PSPH: variants seen among roughly 807,000 people sequenced by gnomAD.
The protein encoded by PSPH is phosphoserine phosphatase, also known as L-3-phosphoserine phosphatase.
In PSPH, 16 loss-of-function variants were observed where a neutral mutation model predicts 23.4. That is an observed-to-expected ratio of 0.68 (90% confidence interval 0.46 to 1.04). The LOEUF is 1.04. Among genes scored for constraint, PSPH ranks in the 50% least tolerant of loss-of-function variants. The pLI, the probability that PSPH is intolerant of heterozygous loss-of-function variation, is 0.00. For missense variants in PSPH, 223 were observed against 273.7 expected (o/e 0.81, Z 1.31); for synonymous variants, 68 against 99.7 (o/e 0.68, Z 1.89).
At chr7:56,016,456 G>A (rs1435882836) in intron 6 of PSPH, among the ~76,000 whole-genome samples, 1 of 150,782 alleles carries the variant, frequency 6.6e-6, no homozygotes, top group Non-Finnish European at 1.5e-5. Flanking sequence ...TGTAACTGGC[G>A]ATCTGAGATA....
intron 1 of PSPH, among the ~76,000 whole-genome samples, chr7:56,035,609 C>T (rs1213231251): frequency 1.3e-5 from 2 of 151,940 alleles, no homozygotes; most frequent in Admixed American, 1.3e-4. Flanking sequence ...CAGGACCCTC[C>T]CCACCAAAAC....
intron 3 of PSPH, among the ~76,000 whole-genome samples, chr7:56,021,674 C>T (rs1789481362): frequency 6.7e-6 from 1 of 150,044 alleles, no homozygotes; most frequent in Non-Finnish European, 1.5e-5. Flanking sequence ...TGAGGCCGGG[C>T]GCGGTGGCTC....
At chr7:56,015,683 G>C (rs1303701731) in intron 6 of PSPH, among the ~76,000 whole-genome samples, 1 of 152,036 alleles carries the variant, frequency 6.6e-6, no homozygotes, top group Non-Finnish European at 1.5e-5. Context: ...TTTTGAGACA[G>C]TGTCTCACTC....
At chr7:56,027,148 C>G (rs776244503) in intron 3 of PSPH, among the ~76,000 whole-genome samples, 1 of 148,414 alleles carries the variant, frequency 6.7e-6, no homozygotes, top group African/African-American at 2.5e-5. Flanking sequence ...GAAGTTGCGG[C>G]GAGCCGAGAT....
intron 7 of PSPH, among the ~76,000 whole-genome samples, chr7:56,012,293 G>T (rs371394097): frequency 1.4e-4 from 21 of 152,246 alleles, no homozygotes; most frequent in African/African-American, 4.8e-4. Context: ...CTGGGCTCAA[G>T]TGATCATCCT....
At chr7:56,032,335 G>A in intron 2 of PSPH, among the ~76,000 whole-genome samples, 2 of 152,230 alleles carry the variant, frequency 1.3e-5, no homozygotes, top group South Asian at 4.1e-4. Flanking sequence ...GAGGGAAAGA[G>A]AATCTCTTAG....
At chr7:56,024,835 G>A (rs945937531) in intron 3 of PSPH, among the ~76,000 whole-genome samples, 6 of 132,446 alleles carry the variant, frequency 4.5e-5, no homozygotes, top group South Asian at 4.8e-4. Flanking sequence ...AAGGAGTCTC[G>A]CTCTGTCACC....
chr7:56,025,502 A>C, intron 3 of PSPH, among the ~76,000 whole-genome samples: 1 of 151,636 alleles, frequency 6.6e-6, no homozygotes, highest in African/African-American at 2.4e-5. Context: ...AAAATGATCC[A>C]TGCGACTCAG....
rs1791382716 is a variant in PSPH at position 56,033,980 on chromosome 7, G to A, written c.-165C>T. The A allele has an allele frequency of 6.6e-6, 1 of 152,480 alleles. No individual in the cohort carries two copies. Among genetic ancestry groups the A allele is most frequent in the South Asian group, 2.1e-4 (1 of 4,838 alleles). 9.4% of individuals were successfully genotyped at this position (152,480 alleles called of 1,614,324 possible). On this transcript the variant is annotated 5_prime_UTR_variant, in exon 2 of 8. Coordinates refer to ENST00000275605, the MANE Select transcript of PSPH (RefSeq NM_004577.4). ...ACTTACCCTGTGTCCTGGGCCTCCG[G>A]GGCTCCTGCGGCTGCAACCTTCCGG...
At chr7:56,020,830 C>T (rs1789279846) in intron 4 of PSPH, among the ~76,000 whole-genome samples, 1 of 152,142 alleles carries the variant, frequency 6.6e-6, no homozygotes, top group Non-Finnish European at 1.5e-5. Flanking sequence ...ACCTCGCCCC[C>T]CAGGCCATCT....
rs145184961 is a variant in PSPH, at chr7:56,030,567, A to C, written c.-20+1362T>G. 2.6e-3 allele frequency among the ~76,000 whole-genome samples: 395 copies of C among 152,256 alleles called. 3 individuals are homozygous for C. Among genetic ancestry groups the C allele is most frequent in the African/African-American group, 8.7e-3 (361 of 41,562 alleles). On this transcript the variant is annotated intron_variant, in intron 3 of 7. Transcript: ENST00000275605. ...CCACATGTTCTCACTTATAAGTGGG[A>C]GCTAAACTGGGTACATGAGGATACA...
intron 1 of PSPH, among the ~76,000 whole-genome samples, chr7:56,036,585 T>A (rs890154897): frequency 3.3e-5 from 5 of 150,722 alleles, no homozygotes; most frequent in African/African-American, 1.2e-4. Context: ...GCCGTGATCA[T>A]GCCACTGTAC....
At chr7:56,033,708 T>C (rs1197084764) in intron 2 of PSPH, among the ~76,000 whole-genome samples, 2 of 152,166 alleles carry the variant, frequency 1.3e-5, no homozygotes, top group African/African-American at 4.8e-5. Flanking sequence ...GTTCCAATCT[T>C]GCACTAAGGG....
chr7:56,044,934 T>C (rs1346300701), intron 1 of PSPH, among the ~76,000 whole-genome samples: 2 of 151,662 alleles, frequency 1.3e-5, no homozygotes, highest in Non-Finnish European at 2.9e-5. Context: ...TAGCTGGGCA[T>C]GCTGGTGCAT....
At chr7:56,018,257 T>C (rs1313194716) in intron 5 of PSPH, among the ~76,000 whole-genome samples, 1 of 152,022 alleles carries the variant, frequency 6.6e-6, no homozygotes, top group Non-Finnish European at 1.5e-5. Context: ...GGCAGGAGAA[T>C]TGCTTCAACC....
At position 56,011,706 on chromosome 7, in the gene PSPH, C is replaced by T; in HGVS notation, c.*56G>A. The T allele has an allele frequency of 7.2e-7, 1 of 1,384,460 alleles. No homozygotes were observed. The highest frequency in any genetic ancestry group is 1.0e-6 in the Non-Finnish European group (1 of 972,304). The allele number at this position is 1,384,460 out of a possible 1,614,324, so 85.8% of individuals were successfully genotyped here. ...GCAACTGTAAGCAAACAGTATCAAT[C>T]TGTATAACTTGTAAAAATTCATCTG... On this transcript the variant is annotated 3_prime_UTR_variant, in exon 8 of 8. Transcript: ENST00000275605.
intron 4 of PSPH, 89 bp from the exon 5 acceptor site, chr7:56,019,823 C>T (rs1188533628): frequency 1.3e-6 from 2 of 1,558,672 alleles, no homozygotes; most frequent in African/African-American, 2.7e-5. Flanking sequence ...ACGACATCCA[C>T]CAAAAGGAAG....
At chr7:56,047,715 G>C (rs1793441849) in intron 1 of PSPH, among the ~76,000 whole-genome samples, 1 of 149,754 alleles carries the variant, frequency 6.7e-6, no homozygotes, top group African/African-American at 2.5e-5. Context: ...CACCCAGGCT[G>C]GAGTGCAGTG....
chr7:56,011,284 C>A lies in PSPH; in HGVS notation c.*478G>T, dbSNP rs1787886887. On this transcript the variant is annotated 3_prime_UTR_variant, in exon 8 of 8. Coordinates refer to ENST00000275605, the MANE Select transcript of PSPH (RefSeq NM_004577.4). Reference sequence around the variant, plus strand: ...GTGGCCCAAGCCTGTAATCCCAGCACTTTGGGAGGCTGAGGCAGGCGGATC... The same window carrying A: ...GTGGCCCAAGCCTGTAATCCCAGCAATTTGGGAGGCTGAGGCAGGCGGATC... 6.5e-6 allele frequency: 1 copy of A among 153,726 alleles called. No homozygotes were observed. 9.5% of individuals were successfully genotyped at this position (153,726 alleles called of 1,614,324 possible). A position where few individuals can be genotyped will look rare whatever the true frequency, so the allele number is the denominator to read the frequency against.
Sources: allele counts gnomAD v4.1 joint callset (sites outside exome capture counted in the v4.1 genomes callset), GRCh38; gene constraint gnomAD v4.1.1; transcripts MANE v1.5; gene names NCBI Gene and HGNC (gene_info 2026-07-23, HGNC 2026-07-21).